Variants in NELL1 observed in about 807,000 individuals in gnomAD.
NELL1 encodes the protein neural EGFL like 1, also known as protein kinase C-binding protein NELL1.
Under a neutral mutation model 107.4 loss-of-function variants are expected in NELL1, and 76 were observed. The ratio of observed to expected loss-of-function variants is 0.71; its 90% CI spans 0.59 to 0.86. The LOEUF is 0.86. Ranked by LOEUF, NELL1 falls within the 40% of genes least tolerant of loss-of-function variation. The probability of loss-of-function intolerance (pLI) is 0.00; values close to 1 mark genes in which losing one functional copy is unlikely to be tolerated. For missense variants in NELL1, 1,024 were observed against 1,005.5 expected (o/e 1.02, Z -0.25); for synonymous variants, 353 against 341.2 (o/e 1.03, Z -0.38).
intron 15 of NELL1, among the ~76,000 whole-genome samples, chr11:21,530,297 C>G (rs1407741084): frequency 6.6e-6 from 1 of 151,980 alleles, no homozygotes; most frequent in African/African-American, 2.4e-5. Flanking sequence ...TTTGAGAAAA[C>G]CTTTATTGGT....
chr11:20,722,032 T>TTTTTTTTTTAA, intron 2 of NELL1, among the ~76,000 whole-genome samples: 1 of 151,558 alleles, frequency 6.6e-6, no homozygotes, highest in Non-Finnish European at 1.5e-5. Flanking sequence ...TTTTTTTTTT[T>TTTTTTTTTTAA]TTTTTTGAGA....
chr11:20,973,678 TG>T (rs1404796694), intron 12 of NELL1, among the ~76,000 whole-genome samples: 2 of 152,250 alleles, frequency 1.3e-5, no homozygotes, highest in East Asian at 3.9e-4. Flanking sequence ...CCTTGAAATG[TG>T]TTCCAGTTAC....
chr11:21,575,037 A>T lies in NELL1; in HGVS notation c.*15A>T. 1.2e-6 allele frequency: 2 copies of T among 1,600,616 alleles called. No individual in the cohort carries two copies. Among genetic ancestry groups the T allele is most frequent in the Non-Finnish European group, 1.7e-6 (2 of 1,168,666 alleles). The stretch of plus-strand genomic sequence containing the variant: ...AAAATAATTGAAGTATTTACAGTGG[A>T]CTCAACGCAGAAGAATGGACGAAAT... On this transcript the variant is annotated 3_prime_UTR_variant, in exon 20 of 20. Coordinates refer to ENST00000357134, the MANE Select transcript of NELL1 (RefSeq NM_006157.5).
chr11:21,305,495 G>T (rs1440060734), intron 14 of NELL1, among the ~76,000 whole-genome samples: 2 of 151,880 alleles, frequency 1.3e-5, no homozygotes, highest in East Asian at 3.9e-4. Flanking sequence ...CAAGTGAAAT[G>T]CAGCAGTGTG....
chr11:21,304,567 T>G (rs1210738045), intron 14 of NELL1, among the ~76,000 whole-genome samples: 2 of 144,608 alleles, frequency 1.4e-5, no homozygotes, highest in Non-Finnish European at 3.0e-5. Flanking sequence ...TTCTTTTGTC[T>G]GTTTTTTTTT....
intron 15 of NELL1, among the ~76,000 whole-genome samples, chr11:21,426,705 A>G (rs1019394364): frequency 6.6e-6 from 1 of 152,210 alleles, no homozygotes; most frequent in South Asian, 2.1e-4. Flanking sequence ...ACAAACATCA[A>G]TAGGGTGTGT....
At chr11:21,361,599 T>C (rs1001810242) in intron 14 of NELL1, among the ~76,000 whole-genome samples, 1 of 152,152 alleles carries the variant, frequency 6.6e-6, no homozygotes, top group African/African-American at 2.4e-5. Flanking sequence ...TTCAGATTTT[T>C]CTTCTTCTTC....
chr11:20,875,343 G>C (rs1590370473), intron 4 of NELL1, among the ~76,000 whole-genome samples: 1 of 152,138 alleles, frequency 6.6e-6, no homozygotes, highest in East Asian at 1.9e-4. Context: ...AATCCTGATA[G>C]TGTTGTGCTA....
chr11:21,573,556 A>G (rs1857153965), intron 19 of NELL1, 147 bp downstream of exon 19: 3 of 703,460 alleles, frequency 4.3e-6, no homozygotes, highest in Non-Finnish European at 4.8e-6. Context: ...GGAATTTAAT[A>G]TGTATGAATA....
chr11:20,767,878 A>G (rs1213484630), intron 2 of NELL1, among the ~76,000 whole-genome samples: 3 of 152,246 alleles, frequency 2.0e-5, no homozygotes, highest in African/African-American at 7.2e-5. Context: ...ATGGCCAATC[A>G]CAGTAAACAA....
intron 3 of NELL1, among the ~76,000 whole-genome samples, chr11:20,843,340 C>T (rs1848650582): frequency 6.6e-6 from 1 of 152,132 alleles, no homozygotes; most frequent in African/African-American, 2.4e-5. Context: ...AACTCTGGAG[C>T]TCTTTGGGTG....
chr11:21,378,265 GTATATATATA>G (rs5790180), intron 15 of NELL1, among the ~76,000 whole-genome samples: 18 of 143,794 alleles, frequency 1.3e-4, no homozygotes, highest in Admixed American at 2.8e-4. Flanking sequence ...GCATATATAT[GTATATATATA>G]TATATATATA....
At chr11:20,931,755 GT>G (rs1278859016) in intron 9 of NELL1, among the ~76,000 whole-genome samples, 2 of 151,774 alleles carry the variant, frequency 1.3e-5, no homozygotes, top group African/African-American at 4.8e-5. Context: ...TGAATACCAT[GT>G]TTTTCCTTGG....
intron 2 of NELL1, among the ~76,000 whole-genome samples, chr11:20,754,581 A>C (rs1485330903): frequency 6.6e-6 from 1 of 152,210 alleles, no homozygotes; most frequent in Non-Finnish European, 1.5e-5. Flanking sequence ...AGGGTCTCCA[A>C]CTTTTTATTT....
At chr11:21,125,532 C>G (rs1855467825) in intron 13 of NELL1, among the ~76,000 whole-genome samples, 1 of 152,094 alleles carries the variant, frequency 6.6e-6, no homozygotes, top group South Asian at 2.1e-4. Context: ...AGATTGTGGT[C>G]TCTTTGGGAG....
intron 2 of NELL1, among the ~76,000 whole-genome samples, chr11:20,701,341 C>T (rs1443795754): frequency 6.6e-6 from 1 of 152,040 alleles, no homozygotes; most frequent in East Asian, 1.9e-4. Flanking sequence ...ACTTTGCCCA[C>T]TTTTTGATGG....
At chr11:21,298,723 C>T (rs1424304559) in intron 14 of NELL1, among the ~76,000 whole-genome samples, 2 of 151,892 alleles carry the variant, frequency 1.3e-5, no homozygotes, top group African/African-American at 4.8e-5. Context: ...CCATCTGGAC[C>T]ATTCGGTGCC....
At chr11:20,898,324 A>G (rs1849795772) in intron 5 of NELL1, among the ~76,000 whole-genome samples, 1 of 152,140 alleles carries the variant, frequency 6.6e-6, no homozygotes, top group African/African-American at 2.4e-5. Context: ...GCGAGGACAA[A>G]AAACCAAACA....
intron 2 of NELL1, among the ~76,000 whole-genome samples, chr11:20,767,894 CT>C (rs1260390298): frequency 6.6e-6 from 1 of 152,008 alleles, no homozygotes; most frequent in East Asian, 1.9e-4. Context: ...AACAAGTATA[CT>C]AATAAATGAG....
Sources: gnomAD v4.1 joint callset for allele counts (sites outside exome capture counted in the v4.1 genomes callset) on GRCh38, gnomAD v4.1.1 for gene constraint, MANE v1.5 for transcripts, NCBI Gene and HGNC (gene_info 2026-07-23, HGNC 2026-07-21) for gene names.